Variants in EDIL3 observed in about 807,000 individuals in gnomAD.
EDIL3 encodes the protein EGF like and discoidin domains 3.
EDIL3 carries 37 observed loss-of-function variants against 67.4 expected under a neutral mutation model. That is an observed-to-expected ratio of 0.55 (90% CI 0.42 to 0.72). The LOEUF (loss-of-function observed/expected upper bound fraction) is 0.72, where lower values mean the gene tolerates loss of function less well. Among genes scored for constraint, EDIL3 ranks in the 30% least tolerant of loss-of-function variants. The probability of loss-of-function intolerance (pLI) is 0.00; values close to 1 mark genes in which losing one functional copy is unlikely to be tolerated. For missense variants in EDIL3, 527 were observed against 586.3 expected, an observed-to-expected ratio of 0.90 and a Z score of 1.04; for synonymous variants, 195 against 196.3, an observed-to-expected ratio of 0.99 and a Z score of 0.05.
At position 83,940,938 on chromosome 5, in the gene EDIL3, T is replaced by C. The variant is rs928334664; in HGVS notation, c.*2481A>G. ...ATAAATACCTTCAAAAGGATGTAGA[T>C]ATAATGGAGATGTTTAAAAGTTTAG... is the stretch of plus-strand genomic sequence containing the variant. On this transcript the variant is annotated 3_prime_UTR_variant, in exon 11 of 11. Coordinates refer to ENST00000296591, the MANE Select transcript of EDIL3 (RefSeq NM_005711.5). 6.6e-6 allele frequency: 1 copy of C among 152,046 alleles called. No individual in the cohort carries two copies. Among genetic ancestry groups the C allele is most frequent in the African/African-American group, 2.4e-5 (1 of 41,456 alleles). 9.4% of individuals were successfully genotyped at this position (152,046 alleles called of 1,614,324 possible).
intron 7 of EDIL3, among the ~76,000 whole-genome samples, chr5:84,065,837 CG>C (rs1561420311): frequency 6.6e-6 from 1 of 151,796 alleles, no homozygotes; most frequent in Non-Finnish European, 1.5e-5. Flanking sequence ...GTTAATCAGC[CG>C]GGCGCGGTGG....
intron 6 of EDIL3, among the ~76,000 whole-genome samples, chr5:84,075,834 AAC>A (rs1746843163): frequency 6.6e-6 from 1 of 150,950 alleles, no homozygotes; most frequent in Admixed American, 6.6e-5. Context: ...TACTTTTTTA[AAC>A]CTTGTACAAA....
At chr5:84,065,531 A>C (rs1251298178) in intron 7 of EDIL3, among the ~76,000 whole-genome samples, 2 of 145,130 alleles carry the variant, frequency 1.4e-5, no homozygotes, top group African/African-American at 5.4e-5. Context: ...TATTTTATAT[A>C]ATTTATTAGA....
chr5:84,324,242 T>C (rs1732479763), intron 1 of EDIL3, among the ~76,000 whole-genome samples: 1 of 151,602 alleles, frequency 6.6e-6, no homozygotes, highest in African/African-American at 2.4e-5. Flanking sequence ...TGGAATGAAG[T>C]TAAAAATAAA....
At chr5:84,192,594 C>T (rs762366307) in intron 3 of EDIL3, among the ~76,000 whole-genome samples, 2 of 151,808 alleles carry the variant, frequency 1.3e-5, no homozygotes, top group Non-Finnish European at 2.9e-5. Context: ...TTTCTATTAC[C>T]ATGTTACATA....
chr5:84,038,616 T>A (rs1157626742), intron 9 of EDIL3, among the ~76,000 whole-genome samples: 1 of 152,222 alleles, frequency 6.6e-6, no homozygotes, highest in East Asian at 1.9e-4. Context: ...GCTGGGCTTT[T>A]AAAACAATGG....
chr5:84,094,864 A>C (rs1194708338), intron 6 of EDIL3, among the ~76,000 whole-genome samples: 1 of 152,258 alleles, frequency 6.6e-6, no homozygotes, highest in African/African-American at 2.4e-5. Flanking sequence ...AAGAAAAATC[A>C]AATAGCCATT....
intron 5 of EDIL3, among the ~76,000 whole-genome samples, chr5:84,124,180 GAAGAAACA>G: frequency 6.6e-6 from 1 of 151,852 alleles, no homozygotes; most frequent in East Asian, 1.9e-4. Flanking sequence ...TAAGTACACT[GAAGAAACA>G]ATGTCTATTT....
intron 5 of EDIL3, among the ~76,000 whole-genome samples, chr5:84,111,841 T>A (rs1378330487): frequency 6.6e-6 from 1 of 152,122 alleles, no homozygotes; most frequent in African/African-American, 2.4e-5. Context: ...TAAGAACATT[T>A]TTATATAATA....
At chr5:83,960,694 C>T (rs1260247788) in intron 10 of EDIL3, among the ~76,000 whole-genome samples, 1 of 150,830 alleles carries the variant, frequency 6.6e-6, no homozygotes, top group Non-Finnish European at 1.5e-5. Context: ...TATCACAAAT[C>T]CTGAAGCAAT....
intron 2 of EDIL3, among the ~76,000 whole-genome samples, chr5:84,231,180 A>T (rs1277139145): frequency 1.3e-5 from 2 of 152,152 alleles, no homozygotes; most frequent in Non-Finnish European, 2.9e-5. Context: ...CTGTTTTAAG[A>T]GGTAGGAAGG....
intron 9 of EDIL3, among the ~76,000 whole-genome samples, chr5:84,051,861 TG>T (rs1746345517): frequency 6.6e-6 from 1 of 152,052 alleles, no homozygotes; most frequent in Non-Finnish European, 1.5e-5. Context: ...ACGGGGAGAA[TG>T]GAACCAAGTT....
intron 4 of EDIL3, among the ~76,000 whole-genome samples, chr5:84,141,940 T>C (rs374737731): frequency 1.1e-5 from 1 of 87,704 alleles, no homozygotes; most frequent in African/African-American, 4.4e-5. Context: ...TATATATATA[T>C]ATATATACAT....
At chr5:84,030,432 C>A (rs1745898525) in intron 9 of EDIL3, among the ~76,000 whole-genome samples, 2 of 152,082 alleles carry the variant, frequency 1.3e-5, no homozygotes, top group South Asian at 2.1e-4. Flanking sequence ...GGAGTAAATG[C>A]ATCAGGAGTT....
At chr5:84,285,111 G>A (rs1378913001) in intron 1 of EDIL3, among the ~76,000 whole-genome samples, 1 of 152,104 alleles carries the variant, frequency 6.6e-6, no homozygotes, top group Non-Finnish European at 1.5e-5. Context: ...ACGTAAATAT[G>A]CATAACAGTA....
At chr5:84,320,752 A>G (rs1358593810) in intron 1 of EDIL3, among the ~76,000 whole-genome samples, 1 of 152,186 alleles carries the variant, frequency 6.6e-6, no homozygotes, top group Non-Finnish European at 1.5e-5. Context: ...GTTCCAAGCC[A>G]TCTTATACTA....
At chr5:84,147,686 A>T (rs535633432) in intron 4 of EDIL3, among the ~76,000 whole-genome samples, 21 of 152,116 alleles carry the variant, frequency 1.4e-4, no homozygotes, top group East Asian at 9.7e-4. Flanking sequence ...CCTTCAGTTC[A>T]CCAAGTTCAA....
chr5:84,365,189 G>A (rs1747703436), intron 1 of EDIL3, among the ~76,000 whole-genome samples: 1 of 152,078 alleles, frequency 6.6e-6, no homozygotes, highest in African/African-American at 2.4e-5. Context: ...AAGATAGGAA[G>A]TAGTAAAGAG....
rs188317796 is a variant in EDIL3, at chr5:84,245,546, T to A, written c.196+8538A>T. On this transcript the variant is annotated intron_variant, in intron 2 of 10. Coordinates refer to ENST00000296591, the MANE Select transcript of EDIL3 (RefSeq NM_005711.5). ...AATCTAAAGGAAATAACAATAGGTA[T>A]AATTTCCTAGAATAAAGAAATAGAT... Among the ~76,000 whole-genome samples, 951 of 152,286 alleles carry A rather than the reference T, an allele frequency of 6.2e-3. 7 individuals are homozygous for A. Among genetic ancestry groups the A allele is most frequent in the Non-Finnish European group, 9.6e-3 (653 of 68,012 alleles).
Sources: allele counts gnomAD v4.1 joint callset (sites outside exome capture counted in the v4.1 genomes callset), GRCh38; gene constraint gnomAD v4.1.1; transcripts MANE v1.5; gene names NCBI Gene and HGNC (gene_info 2026-07-23, HGNC 2026-07-21).